SCML4: variants seen among roughly 807,000 people sequenced by gnomAD.
SCML4 encodes the protein Scm polycomb group protein like 4.
Under a neutral mutation model 41.1 loss-of-function variants are expected in SCML4, and 34 were observed. The ratio of observed to expected loss-of-function variants is 0.83; its 90% CI spans 0.63 to 1.10. The LOEUF is 1.10. Among genes scored for constraint, SCML4 ranks in the 50% least tolerant of loss-of-function variants. The pLI, the probability that SCML4 is intolerant of heterozygous loss-of-function variation, is 0.00. For synonymous variants in SCML4, 214 were observed against 220.9 expected (o/e 0.97, Z 0.28); for missense variants, 522 against 534.1 (o/e 0.98, Z 0.22).
chr6:107,775,471 C>A (rs1243727894), intron 1 of SCML4, among the ~76,000 whole-genome samples: 2 of 152,200 alleles, frequency 1.3e-5, no homozygotes, highest in Non-Finnish European at 1.5e-5. Flanking sequence ...CTTCTGCCAG[C>A]ATCTGTGACG....
chr6:107,826,161 T>G (rs1472197591), upstream of SCML4, among the ~76,000 whole-genome samples: 1 of 150,886 alleles, frequency 6.6e-6, no homozygotes, highest in Non-Finnish European at 1.5e-5. Context: ...GGAGAATCGC[T>G]TGAACCTGGG....
chr6:107,756,728 T>C (rs1431060167), intron 2 of SCML4, among the ~76,000 whole-genome samples: 2 of 152,252 alleles, frequency 1.3e-5, no homozygotes, highest in Non-Finnish European at 2.9e-5. Context: ...TTCTCTGTTT[T>C]ATCTCTGCAA....
At chr6:107,776,128 A>T (rs1214756316) in intron 1 of SCML4, among the ~76,000 whole-genome samples, 1 of 152,140 alleles carries the variant, frequency 6.6e-6, no homozygotes, top group Non-Finnish European at 1.5e-5. Context: ...AAAACTTGGG[A>T]AGCAGAACCA....
At chr6:107,753,762 A>G (rs528833041) in intron 2 of SCML4, among the ~76,000 whole-genome samples, 5 of 152,314 alleles carry the variant, frequency 3.3e-5, no homozygotes, top group Non-Finnish European at 7.4e-5. Flanking sequence ...ATTGTACAGA[A>G]GAGTGTGTGG....
intron 1 of SCML4, among the ~76,000 whole-genome samples, chr6:107,779,105 G>A (rs537770397): frequency 9.3e-4 from 141 of 152,162 alleles, no homozygotes; most frequent in South Asian, 2.1e-3. Context: ...GCGGGAACCC[G>A]GGAGGCGGAG....
At chr6:107,831,178 G>A in the SCML4 span, among the ~76,000 whole-genome samples, 1 of 152,084 alleles carries the variant, frequency 6.6e-6, no homozygotes, top group Non-Finnish European at 1.5e-5. Flanking sequence ...GGACACAGAG[G>A]CCCGTCAAAG....
the SCML4 span, among the ~76,000 whole-genome samples, chr6:107,835,218 G>A: frequency 1.3e-5 from 2 of 151,710 alleles, no homozygotes; most frequent in African/African-American, 4.8e-5. Flanking sequence ...AAAATTAGCT[G>A]GGAGTGGTGG....
At position 107,756,703 on chromosome 6, in the gene SCML4, C is replaced by G. The variant is rs538380942; in HGVS notation, c.157-6890G>C. 2.3e-3 allele frequency among the ~76,000 whole-genome samples: 349 copies of G among 152,136 alleles called. 1 individual carries two copies. The highest frequency in any genetic ancestry group is 7.9e-3 in the African/African-American group (329 of 41,492). ...GTTAAAAATGGGGGGAAATCAGGTG[C>G]GGGGTACGTGAGAATTCTCTGTTTT... is the stretch of plus-strand genomic sequence containing the variant. On this transcript the variant is annotated intron_variant, in intron 2 of 7. Coordinates refer to ENST00000369020, the MANE Select transcript of SCML4 (RefSeq NM_198081.5).
intron 6 of SCML4, among the ~76,000 whole-genome samples, chr6:107,717,298 A>AG (rs1199066640): frequency 6.6e-6 from 1 of 151,466 alleles, no homozygotes; most frequent in Non-Finnish European, 1.5e-5. Flanking sequence ...CTCAAAAAAA[A>AG]AAAAAAAAAG....
At position 107,746,721 on chromosome 6, in the gene SCML4, A is replaced by G; in HGVS notation, c.455T>C (p.Val152Ala). ...CATCTCACCACCATAGCCCTGCTTGACCAGGGAGAAGACCAGCTTCTGCTG... is the reference window on the plus strand; with the variant it reads ...CATCTCACCACCATAGCCCTGCTTGGCCAGGGAGAAGACCAGCTTCTGCTG... ...AHQQKLVFSLVKQGYGGEMVS... is the reference protein window; with the variant it reads ...AHQQKLVFSLAKQGYGGEMVS... The change falls in exon 4 of 8, where the codon GTC becomes GCC. Residue 152 changes from valine to alanine, a missense_variant. Physicochemically the swap from Val to Ala is moderately conservative, Grantham distance 64 (BLOSUM62 0). Transcript: ENST00000369020. The G allele has an allele frequency of 6.2e-7, 1 of 1,614,076 alleles. No homozygotes were observed. Among genetic ancestry groups the G allele is most frequent in the Non-Finnish European group, 8.5e-7 (1 of 1,179,984 alleles).
the SCML4 span, among the ~76,000 whole-genome samples, chr6:107,834,108 C>T: frequency 2.6e-5 from 4 of 151,810 alleles, no homozygotes; most frequent in South Asian, 4.2e-4. Flanking sequence ...CCTGGCAGAC[C>T]GAAGAAACTG....
At chr6:107,721,312 C>T (rs1263589540) in intron 5 of SCML4, among the ~76,000 whole-genome samples, 1 of 152,056 alleles carries the variant, frequency 6.6e-6, no homozygotes. Flanking sequence ...GTCTGTAATC[C>T]CTGAACTTTG....
intron 1 of SCML4, among the ~76,000 whole-genome samples, chr6:107,798,691 G>T (rs1435174130): frequency 6.6e-6 from 1 of 151,796 alleles, no homozygotes; most frequent in Non-Finnish European, 1.5e-5. Context: ...CTAAATAATT[G>T]CTTGTAGACC....
intron 5 of SCML4, among the ~76,000 whole-genome samples, chr6:107,724,623 AAAG>A (rs1775769070): frequency 6.6e-6 from 1 of 152,216 alleles, no homozygotes; most frequent in South Asian, 2.1e-4. Flanking sequence ...GAAAGAAATT[AAAG>A]AAGATATAAA....
intron 1 of SCML4, among the ~76,000 whole-genome samples, chr6:107,773,132 C>T (rs1369083229): frequency 2.0e-5 from 3 of 152,108 alleles, no homozygotes; most frequent in African/African-American, 7.2e-5. Flanking sequence ...AAAATGACCT[C>T]AACTATGCAA....
chr6:107,716,536 C>T (rs1451269417), intron 6 of SCML4, among the ~76,000 whole-genome samples: 3 of 152,062 alleles, frequency 2.0e-5, no homozygotes, highest in African/African-American at 7.3e-5. Context: ...GGCCTCAAGC[C>T]CCCCTTTGCC....
rs758495921 is a variant in SCML4, at chr6:107,708,055, G to A, written c.974-44C>T. 2.6e-6 allele frequency: 4 copies of A among 1,540,148 alleles called. No individual in the cohort carries two copies. In the South Asian group the frequency reaches 4.8e-5, roughly 18 times the overall value. On this transcript the variant is annotated intron_variant, in intron 6 of 7. Transcript: ENST00000369020. ...GGGAGACCATGAGCCAGTGGGACAG[G>A]GCCTTGCACCTACCTGGTGCTGCCT...
At chr6:107,751,438 G>A (rs1480679381) in intron 2 of SCML4, among the ~76,000 whole-genome samples, 2 of 152,158 alleles carry the variant, frequency 1.3e-5, no homozygotes, top group African/African-American at 4.8e-5. Context: ...CAACTGTAGG[G>A]AGGCCAGAGT....
intron 2 of SCML4, among the ~76,000 whole-genome samples, chr6:107,767,159 T>C (rs1780125652): frequency 6.6e-6 from 1 of 152,078 alleles, no homozygotes; most frequent in Admixed American, 6.6e-5. Flanking sequence ...GGTTTCACCA[T>C]GTTGTCCAGG....
Sources: gnomAD v4.1 joint callset for allele counts (sites outside exome capture counted in the v4.1 genomes callset) on GRCh38, gnomAD v4.1.1 for gene constraint, MANE v1.5 for transcripts, NCBI Gene and HGNC (gene_info 2026-07-23, HGNC 2026-07-21) for gene names.